The following DAB1 variants were observed in gnomAD, a reference collection of about 807,000 sequenced individuals.
DAB1 encodes the protein DAB adaptor protein 1.
DAB1 carries 15 observed loss-of-function variants against 64.6 expected under a neutral mutation model. The observed-to-expected ratio is 0.23, with a 90% confidence interval of 0.16 to 0.36. The LOEUF (loss-of-function observed/expected upper bound fraction) is 0.36. Among genes scored for constraint, DAB1 ranks in the 10% least tolerant of loss-of-function variants. The pLI is 1.00. For missense variants in DAB1, 596 were observed against 706.7 expected (o/e 0.84, Z 1.78); for synonymous variants, 235 against 251.9 (o/e 0.93, Z 0.64).
chr1:58,464,260 A>G (rs12568261), intron 3 of DAB1, among the ~76,000 whole-genome samples: 1 of 152,228 alleles, frequency 6.6e-6, no homozygotes, highest in Non-Finnish European at 1.5e-5. Flanking sequence ...ATTGTCATGC[A>G]TACACTGAGG....
intron 4 of DAB1, among the ~76,000 whole-genome samples, chr1:57,099,793 T>C (rs1654503358): frequency 6.6e-6 from 1 of 152,092 alleles, no homozygotes. Context: ...CCATGGAAGG[T>C]TGGATTAAAA....
At chr1:57,152,694 T>C (rs1659804925) in intron 2 of DAB1, among the ~76,000 whole-genome samples, 1 of 152,252 alleles carries the variant, frequency 6.6e-6, no homozygotes, top group South Asian at 2.1e-4. Context: ...GATAATTGTA[T>C]ACGATGATAT....
At chr1:57,642,308 C>T (rs1646139878) in intron 7 of DAB1, among the ~76,000 whole-genome samples, 1 of 152,154 alleles carries the variant, frequency 6.6e-6, no homozygotes, top group Admixed American at 6.5e-5. Context: ...AGGAGGATTG[C>T]TGCTATTCTT....
At chr1:57,241,704 C>A (rs1668507112) in intron 2 of DAB1, among the ~76,000 whole-genome samples, 2 of 152,282 alleles carry the variant, frequency 1.3e-5, no homozygotes, top group East Asian at 3.9e-4. Flanking sequence ...TGAGTCTAGC[C>A]TTTGCCAGAT....
intron 5 of DAB1, among the ~76,000 whole-genome samples, chr1:58,112,823 G>T (rs1055093945): frequency 6.6e-6 from 1 of 152,128 alleles, no homozygotes; most frequent in African/African-American, 2.4e-5. Context: ...CTGTCAAGTG[G>T]GTGGTGTGAT....
At chr1:57,389,352 G>C (rs1682144590) in intron 1 of DAB1, among the ~76,000 whole-genome samples, 1 of 152,074 alleles carries the variant, frequency 6.6e-6, no homozygotes, top group South Asian at 2.1e-4. Context: ...CTCCAGTATG[G>C]CATGTAAGGT....
At chr1:58,085,222 T>G (rs116507002) in intron 5 of DAB1, among the ~76,000 whole-genome samples, 2,068 of 152,284 alleles carry the variant, frequency 0.014, 40 homozygotes, top group African/African-American at 0.048. Context: ...TTGTGGGATC[T>G]TGTCCTAGGA....
chr1:58,489,303 C>T (rs143930405), intron 3 of DAB1, among the ~76,000 whole-genome samples: 10 of 152,358 alleles, frequency 6.6e-5, no homozygotes, highest in African/African-American at 2.2e-4. Flanking sequence ...ATATCCCACG[C>T]CTGGCTCAAA....
chr1:57,622,087 A>AAAAC (rs749103613), intron 7 of DAB1, among the ~76,000 whole-genome samples: 1 of 152,210 alleles, frequency 6.6e-6, no homozygotes, highest in Middle Eastern at 3.2e-3. Flanking sequence ...ACATACAACA[A>AAAAC]AAACAAACAA....
At chr1:57,736,929 G>A (rs1647717895) in intron 6 of DAB1, among the ~76,000 whole-genome samples, 1 of 152,200 alleles carries the variant, frequency 6.6e-6, no homozygotes, top group African/African-American at 2.4e-5. Flanking sequence ...CAACCTAGGT[G>A]TGGACAGGCA....
At chr1:57,221,481 C>A (rs1055732961) in intron 2 of DAB1, among the ~76,000 whole-genome samples, 1 of 151,502 alleles carries the variant, frequency 6.6e-6, no homozygotes, top group Non-Finnish European at 1.5e-5. Flanking sequence ...CACCTGATAG[C>A]GACATTTCTT....
chr1:58,214,841 C>A (rs540405530), intron 4 of DAB1, among the ~76,000 whole-genome samples: 21 of 152,302 alleles, frequency 1.4e-4, no homozygotes, highest in African/African-American at 4.8e-4. Flanking sequence ...GCTCTTGGGG[C>A]AGGCCACTGT....
intron 5 of DAB1, among the ~76,000 whole-genome samples, chr1:57,903,116 G>A (rs890419310): frequency 1.3e-5 from 2 of 152,156 alleles, no homozygotes; most frequent in East Asian, 3.9e-4. Context: ...GAACAGCACA[G>A]GAAAGACCCA....
intron 7 of DAB1, among the ~76,000 whole-genome samples, chr1:57,498,102 A>G (rs1171627382): frequency 2.6e-5 from 4 of 152,242 alleles, no homozygotes; most frequent in African/African-American, 9.6e-5. Context: ...TGTGTCAAGT[A>G]TAACTCAGAT....
intron 2 of DAB1, among the ~76,000 whole-genome samples, chr1:57,289,103 G>C (rs750614026): frequency 6.6e-6 from 1 of 152,116 alleles, no homozygotes; most frequent in Non-Finnish European, 1.5e-5. Context: ...GTTGATTTCA[G>C]AGTTTTTTTA....
intron 3 of DAB1, among the ~76,000 whole-genome samples, chr1:58,462,332 T>G (rs1645252394): frequency 1.3e-5 from 2 of 152,148 alleles, no homozygotes; most frequent in South Asian, 4.1e-4. Context: ...TTCACCTTGT[T>G]AGCCAGGATG....
chr1:58,246,730 A>C (rs1427712729), intron 4 of DAB1, among the ~76,000 whole-genome samples: 2 of 152,056 alleles, frequency 1.3e-5, no homozygotes, highest in Non-Finnish European at 2.9e-5. Flanking sequence ...GCTGTGTGTG[A>C]TGCTGTGTGC....
chr1:57,842,991 G>T (rs560841916), intron 1 of DAB1, among the ~76,000 whole-genome samples: 3 of 152,322 alleles, frequency 2.0e-5, no homozygotes, highest in East Asian at 3.9e-4. Flanking sequence ...TGGGTTGTCT[G>T]TCCTAGTGAC....
At chr1:58,059,355 G>T (rs572733000) in intron 5 of DAB1, among the ~76,000 whole-genome samples, 6 of 152,326 alleles carry the variant, frequency 3.9e-5, no homozygotes, top group African/African-American at 7.2e-5. Flanking sequence ...CAACACAAAT[G>T]ACTGTTACTA....
Sources: gnomAD v4.1 joint callset for allele counts (sites outside exome capture counted in the v4.1 genomes callset) on GRCh38, gnomAD v4.1.1 for gene constraint, MANE v1.5 for transcripts, NCBI Gene and HGNC (gene_info 2026-07-23, HGNC 2026-07-21) for gene names.